Variants in TAS2R1 observed in about 807,000 individuals in gnomAD.
TAS2R1 encodes taste 2 receptor member 1.
For missense variants in TAS2R1, 370 were observed against 353.4 expected, an observed-to-expected ratio of 1.05 and a Z score of -0.38; for synonymous variants, 141 against 134.2, an observed-to-expected ratio of 1.05 and a Z score of -0.35.
the TAS2R1 span, among the ~76,000 whole-genome samples, chr5:9,746,192 G>C: frequency 6.9e-4 from 105 of 152,252 alleles, no homozygotes; most frequent in South Asian, 6.8e-3. Flanking sequence ...TCATTCAAGA[G>C]ATGCAAATCA....
the TAS2R1 span, among the ~76,000 whole-genome samples, chr5:9,769,404 A>G: frequency 6.6e-6 from 1 of 152,114 alleles, no homozygotes; most frequent in Admixed American, 6.5e-5. Context: ...TCTTTTATAT[A>G]CTGATTTCTT....
chr5:9,684,662 T>C (rs895200183), intron 1 of TAS2R1, among the ~76,000 whole-genome samples: 1 of 152,142 alleles, frequency 6.6e-6, no homozygotes, highest in Non-Finnish European at 1.5e-5. Context: ...TAGCTGGGAC[T>C]CAGCACGCCA....
At chr5:9,737,483 C>A in the TAS2R1 span, among the ~76,000 whole-genome samples, 2 of 152,194 alleles carry the variant, frequency 1.3e-5, no homozygotes, top group Non-Finnish European at 2.9e-5. Flanking sequence ...CAGCACCCAG[C>A]ATTTTGCGGG....
chr5:9,880,689 T>C, the TAS2R1 span, among the ~76,000 whole-genome samples: 9 of 152,168 alleles, frequency 5.9e-5, no homozygotes, highest in Admixed American at 1.3e-4. Context: ...CCAGTGAGAA[T>C]AGCCATGTAG....
chr5:9,766,680 T>C, the TAS2R1 span, among the ~76,000 whole-genome samples: 3 of 152,194 alleles, frequency 2.0e-5, no homozygotes, highest in Non-Finnish European at 2.9e-5. Context: ...GGCCAAACAG[T>C]GCACTGTGGT....
chr5:9,712,304 TG>T (rs1426275920), upstream of TAS2R1: 1 of 152,230 alleles, frequency 6.6e-6, no homozygotes, highest in East Asian at 1.9e-4. Context: ...CTTTGTGACA[TG>T]TCTCCCACTG....
chr5:9,852,953 G>C, the TAS2R1 span, among the ~76,000 whole-genome samples: 1 of 152,318 alleles, frequency 6.6e-6, no homozygotes, highest in African/African-American at 2.4e-5. Flanking sequence ...TTCTAGCTGA[G>C]CTAGTTAGTA....
At chr5:9,857,569 G>A in the TAS2R1 span, among the ~76,000 whole-genome samples, 1 of 152,040 alleles carries the variant, frequency 6.6e-6, no homozygotes, top group African/African-American at 2.4e-5. Flanking sequence ...ATATACCCGA[G>A]CTTAAAAGTT....
chr5:9,886,816 C>G, the TAS2R1 span, among the ~76,000 whole-genome samples: 10 of 152,118 alleles, frequency 6.6e-5, no homozygotes, highest in African/African-American at 2.4e-4. Flanking sequence ...ACACCAAACC[C>G]CCAAGACATG....
At chr5:9,637,676 T>C (rs1739990806) in intron 2 of TAS2R1, among the ~76,000 whole-genome samples, 1 of 152,166 alleles carries the variant, frequency 6.6e-6, no homozygotes, top group Admixed American at 6.5e-5. Context: ...AAAAACATAG[T>C]CTTCAAGCTC....
intron 1 of TAS2R1, among the ~76,000 whole-genome samples, chr5:9,671,624 T>C (rs1463550389): frequency 6.6e-6 from 1 of 152,090 alleles, no homozygotes; most frequent in Non-Finnish European, 1.5e-5. Flanking sequence ...AAAACACTGC[T>C]TAAAGAACTC....
chr5:9,712,047 G>GGAGT (rs1734692314), intron 1 of TAS2R1: 2 of 143,342 alleles, frequency 1.4e-5, no homozygotes, highest in African/African-American at 5.2e-5. Flanking sequence ...AGGGAGGGAG[G>GGAGT]GAGGGAGGGA....
the TAS2R1 span, among the ~76,000 whole-genome samples, chr5:9,886,462 G>C: frequency 6.7e-6 from 1 of 150,354 alleles, no homozygotes; most frequent in Non-Finnish European, 1.5e-5. Flanking sequence ...CCCCCTAGTA[G>C]CTAGGATTAC....
chr5:9,747,060 T>C, the TAS2R1 span, among the ~76,000 whole-genome samples: 1 of 152,136 alleles, frequency 6.6e-6, no homozygotes, highest in African/African-American at 2.4e-5. Context: ...ACTAAGTTCA[T>C]GACTAGATAG....
At chr5:9,761,832 C>G in the TAS2R1 span, among the ~76,000 whole-genome samples, 27 of 152,236 alleles carry the variant, frequency 1.8e-4, no homozygotes, top group Non-Finnish European at 3.7e-4. Flanking sequence ...TGGTTCCAGA[C>G]AGTGTTCATT....
At chr5:9,784,605 T>C in the TAS2R1 span, among the ~76,000 whole-genome samples, 3 of 152,286 alleles carry the variant, frequency 2.0e-5, no homozygotes, top group African/African-American at 4.8e-5. Context: ...AGTAAAAAGG[T>C]TCAGAGCTCA....
the TAS2R1 span, among the ~76,000 whole-genome samples, chr5:9,728,732 G>GC: frequency 2.0e-5 from 3 of 152,186 alleles, no homozygotes; most frequent in Non-Finnish European, 4.4e-5. Context: ...TGGCACGTCT[G>GC]CAAGTAGAGC....
the TAS2R1 span, among the ~76,000 whole-genome samples, chr5:9,757,902 T>A: frequency 6.9e-6 from 1 of 143,984 alleles, no homozygotes; most frequent in Non-Finnish European, 1.6e-5. Context: ...TTAGAAAGTT[T>A]AGGCTATTTT....
the TAS2R1 span, among the ~76,000 whole-genome samples, chr5:9,720,845 A>G: frequency 6.6e-6 from 1 of 152,348 alleles, no homozygotes; most frequent in Non-Finnish European, 1.5e-5. Flanking sequence ...TTTCCACCCT[A>G]GCATTTTCCA....
Sources: allele counts gnomAD v4.1 joint callset (sites outside exome capture counted in the v4.1 genomes callset), GRCh38; gene constraint gnomAD v4.1.1; transcripts MANE v1.5; gene names NCBI Gene and HGNC (gene_info 2026-07-23, HGNC 2026-07-21).